The following SERGEF variants were observed in gnomAD, a reference collection of about 807,000 sequenced individuals.
SERGEF encodes secretion-regulating guanine nucleotide exchange factor.
In SERGEF, 51 loss-of-function variants were observed where a neutral mutation model predicts 50.0. That is an observed-to-expected ratio of 1.02 (90% confidence interval 0.81 to 1.29). SERGEF has a LOEUF of 1.29. Among genes scored for constraint, SERGEF ranks in the 50% most tolerant of loss-of-function variants. The pLI is 0.00. For missense variants in SERGEF, 521 were observed against 557.0 expected, an observed-to-expected ratio of 0.94 and a Z score of 0.65; for synonymous variants, 205 against 212.4, an observed-to-expected ratio of 0.97 and a Z score of 0.30.
At chr11:17,998,992 T>C (rs1853904009) in intron 5 of SERGEF, among the ~76,000 whole-genome samples, 1 of 152,206 alleles carries the variant, frequency 6.6e-6, no homozygotes, top group South Asian at 2.1e-4. Flanking sequence ...GGTACATCCA[T>C]ACCATCAAAT....
chr11:17,982,915 T>C (rs1336440780), intron 8 of SERGEF, among the ~76,000 whole-genome samples: 1 of 152,216 alleles, frequency 6.6e-6, no homozygotes, highest in East Asian at 1.9e-4. Context: ...CACTGGAAAG[T>C]AGAACTAGAT....
intron 9 of SERGEF, among the ~76,000 whole-genome samples, chr11:17,920,933 T>C (rs1258709690): frequency 6.6e-6 from 1 of 152,220 alleles, no homozygotes; most frequent in Non-Finnish European, 1.5e-5. Context: ...GATTGTCAAA[T>C]TACAAACTTA....
In SERGEF at chr11:17,898,714, TTTAA is replaced by T. The variant is rs1484350800; in HGVS notation, c.1012-20474_1012-20471del. On this transcript the variant is annotated intron_variant, in intron 9 of 10. Transcript: ENST00000265965. Reference sequence around the variant, plus strand: ...AAAACAACTCTTCCAAAACTTTGAGTTTAATTCTCTCTAAATGTGTTAGCTATAA... The same window carrying T: ...AAAACAACTCTTCCAAAACTTTGAGTTTCTCTCTAAATGTGTTAGCTATAA... Among the ~76,000 whole-genome samples the T allele has an allele frequency of 3.3e-5, 5 of 152,216 alleles. 1 individual carries two copies. The East Asian group carries it at 9.6e-4, about 29-fold the overall frequency.
At chr11:17,906,667 G>A (rs1486231063) in intron 9 of SERGEF, among the ~76,000 whole-genome samples, 3 of 152,170 alleles carry the variant, frequency 2.0e-5, no homozygotes, top group South Asian at 2.1e-4. Flanking sequence ...TTAGCTGTTC[G>A]CTAGTGATGC....
rs531839869 is a variant in SERGEF, at chr11:17,922,586, T to C, written c.1011+36884A>G. On this transcript the variant is annotated intron_variant, in intron 9 of 10. Coordinates refer to ENST00000265965, the MANE Select transcript of SERGEF (RefSeq NM_012139.4). ...ACTGGTCAGTTTTTGGCGTACTATG[T>C]GGTACTCAGGAGTTTACTCAATTGT... 3.3e-5 allele frequency among the ~76,000 whole-genome samples: 5 copies of C among 152,290 alleles called. No individual in the cohort carries two copies. The South Asian group carries it at 1.0e-3, about 32-fold the overall frequency.
At chr11:17,944,358 T>C (rs1219713793) in intron 9 of SERGEF, among the ~76,000 whole-genome samples, 1 of 152,174 alleles carries the variant, frequency 6.6e-6, no homozygotes, top group Non-Finnish European at 1.5e-5. Context: ...AACTAAAAAA[T>C]AAACACTGAT....
intron 10 of SERGEF, among the ~76,000 whole-genome samples, chr11:17,861,857 C>T (rs1015897): frequency 0.47 from 71,288 of 152,168 alleles, 19,005 homozygotes; most frequent in Middle Eastern, 0.7. Flanking sequence ...TCTTGTCTCG[C>T]TAAAAAGCAA....
intron 9 of SERGEF, among the ~76,000 whole-genome samples, chr11:17,933,200 A>G (rs1247385420): frequency 6.6e-6 from 1 of 152,162 alleles, no homozygotes; most frequent in Non-Finnish European, 1.5e-5. Context: ...GAAAAGATAC[A>G]CATGGTTAAT....
intron 10 of SERGEF, among the ~76,000 whole-genome samples, chr11:17,857,230 A>G (rs1343699301): frequency 6.6e-6 from 1 of 152,186 alleles, no homozygotes; most frequent in Non-Finnish European, 1.5e-5. Context: ...ACCGTTCCGG[A>G]CATAGCCCAT....
chr11:17,818,246 G>C (rs1484456073), intron 10 of SERGEF, among the ~76,000 whole-genome samples: 1 of 152,154 alleles, frequency 6.6e-6, no homozygotes, highest in Non-Finnish European at 1.5e-5. Flanking sequence ...AGACCTCTGA[G>C]CCACACTACC....
intron 10 of SERGEF, among the ~76,000 whole-genome samples, chr11:17,876,457 G>C (rs1456298023): frequency 1.3e-5 from 2 of 152,156 alleles, no homozygotes; most frequent in Non-Finnish European, 2.9e-5. Flanking sequence ...CCAACCAAGA[G>C]AAAAGAGAAA....
At chr11:17,982,581 T>C (rs531775298) in intron 8 of SERGEF, among the ~76,000 whole-genome samples, 7 of 152,292 alleles carry the variant, frequency 4.6e-5, no homozygotes, top group African/African-American at 1.4e-4. Flanking sequence ...TTTCATGATA[T>C]ATGGTCCCAA....
chr11:18,003,785 A>G (rs1280403450), intron 4 of SERGEF, among the ~76,000 whole-genome samples: 1 of 152,220 alleles, frequency 6.6e-6, no homozygotes, highest in East Asian at 1.9e-4. Context: ...CAAAAAGTAG[A>G]TTAGTACTCA....
intron 4 of SERGEF, among the ~76,000 whole-genome samples, chr11:18,001,457 T>C (rs984353289): frequency 6.6e-6 from 1 of 152,202 alleles, no homozygotes; most frequent in Admixed American, 6.5e-5. Flanking sequence ...ATGCTATGTC[T>C]GAAAAGTCCA....
chr11:17,933,458 C>G (rs1260771074), intron 9 of SERGEF, among the ~76,000 whole-genome samples: 1 of 152,116 alleles, frequency 6.6e-6, no homozygotes, highest in African/African-American at 2.4e-5. Flanking sequence ...AACTGGGTAT[C>G]AAGAGACCTG....
intron 10 of SERGEF, among the ~76,000 whole-genome samples, chr11:17,834,947 C>T (rs1850375140): frequency 6.6e-6 from 1 of 152,170 alleles, no homozygotes; most frequent in African/African-American, 2.4e-5. Context: ...TGTCTCCTAC[C>T]CACTTAGCAC....
intron 9 of SERGEF, among the ~76,000 whole-genome samples, chr11:17,943,248 T>G (rs1852593315): frequency 6.6e-6 from 1 of 152,170 alleles, no homozygotes; most frequent in Non-Finnish European, 1.5e-5. Context: ...AATTGATTTC[T>G]TTACTAGACA....
At position 17,959,494 on chromosome 11, in the gene SERGEF, C is replaced by A. The variant is rs928541683; in HGVS notation, c.987G>T (p.Pro329=). 6 of 1,613,668 alleles carry A rather than the reference C, an allele frequency of 3.7e-6. No individual in the cohort carries two copies. In the African/African-American group the frequency reaches 5.3e-5, roughly 14 times the overall value. Residue 329 remains proline (P), a synonymous_variant, in exon 9 of 11, where the codon CCG becomes CCT. Transcript: ENST00000265965. Reference sequence around the variant, plus strand: ...CCTCAGTTGCTCCAGTTAAGCAATGCGGAGACGAAGGCATGCTGTTCGGTG... The same window carrying A: ...CCTCAGTTGCTCCAGTTAAGCAATGAGGAGACGAAGGCATGCTGTTCGGTG... The part of the protein sequence containing the change: ...SRPPNSMPSS[P]HCLTGATEVS...
intron 9 of SERGEF, among the ~76,000 whole-genome samples, chr11:17,942,641 T>A (rs1722243531): frequency 6.6e-6 from 1 of 152,154 alleles, no homozygotes; most frequent in African/African-American, 2.4e-5. Context: ...CTCCATCCAG[T>A]ATAATAGTGA....
Sources: gnomAD v4.1 joint callset for allele counts (sites outside exome capture counted in the v4.1 genomes callset) on GRCh38, gnomAD v4.1.1 for gene constraint, MANE v1.5 for transcripts, NCBI Gene and HGNC (gene_info 2026-07-23, HGNC 2026-07-21) for gene names.